ARHGAP10: variants seen among roughly 807,000 people sequenced by gnomAD.
ARHGAP10 encodes Rho GTPase activating protein 10, also known as rho GTPase-activating protein 10.
ARHGAP10 carries 87 observed loss-of-function variants against 108.6 expected under a neutral mutation model. That is an observed-to-expected ratio of 0.80 (90% CI 0.67 to 0.96). The LOEUF (loss-of-function observed/expected upper bound fraction) is 0.96, where lower values mean the gene tolerates loss of function less well. Among genes scored for constraint, ARHGAP10 ranks in the 40% least tolerant of loss-of-function variants. ARHGAP10 has a pLI of 0.00. For synonymous variants in ARHGAP10, 347 were observed against 341.1 expected (o/e 1.02, Z -0.19); for missense variants, 939 against 954.5 (o/e 0.98, Z 0.21).
chr4:147,735,138 T>C (rs1728367046), intron 1 of ARHGAP10, among the ~76,000 whole-genome samples: 1 of 152,226 alleles, frequency 6.6e-6, no homozygotes, highest in South Asian at 2.1e-4. Flanking sequence ...TCTGCAAATA[T>C]TTAGCACCTA....
At chr4:147,922,390 T>TAA (rs548007269) in intron 13 of ARHGAP10, among the ~76,000 whole-genome samples, 1 of 142,772 alleles carries the variant, frequency 7.0e-6, no homozygotes. Flanking sequence ...TTAGTTCCTT[T>TAA]AAAAAAAAAA....
intron 15 of ARHGAP10, among the ~76,000 whole-genome samples, chr4:147,954,704 C>G (rs1283550612): frequency 6.6e-6 from 1 of 151,932 alleles, no homozygotes; most frequent in Non-Finnish European, 1.5e-5. Flanking sequence ...GCAAGGTGGA[C>G]TGAACTGTAG....
intron 3 of ARHGAP10, among the ~76,000 whole-genome samples, chr4:147,845,753 C>T (rs188634765): frequency 8.3e-4 from 126 of 152,280 alleles, no homozygotes; most frequent in Middle Eastern, 3.4e-3. Context: ...GACACAGGTG[C>T]TCATGTAAGT....
At chr4:147,896,668 T>G (rs984257044) in intron 10 of ARHGAP10, among the ~76,000 whole-genome samples, 1 of 152,094 alleles carries the variant, frequency 6.6e-6, no homozygotes, top group Non-Finnish European at 1.5e-5. Context: ...TTTTTCAACT[T>G]TGGATTTAAT....
chr4:147,735,368 G>A (rs1011485166), intron 1 of ARHGAP10, among the ~76,000 whole-genome samples: 2 of 152,176 alleles, frequency 1.3e-5, no homozygotes, highest in Non-Finnish European at 1.5e-5. Context: ...CCAGGGACAA[G>A]GGTTTGTATG....
intron 1 of ARHGAP10, among the ~76,000 whole-genome samples, chr4:147,812,575 C>A (rs11935620): frequency 0.12 from 18,879 of 152,172 alleles, 1,596 homozygotes; most frequent in African/African-American, 0.24. Flanking sequence ...AGGAGCTGCC[C>A]ATAAAGCCTT....
intron 1 of ARHGAP10, among the ~76,000 whole-genome samples, chr4:147,795,851 C>G (rs1039674408): frequency 1.3e-5 from 2 of 151,770 alleles, no homozygotes; most frequent in African/African-American, 4.8e-5. Context: ...TGTACCACCA[C>G]CTCCAGCTAA....
chr4:147,832,349 TTTTTTTTA>T (rs1414161000), intron 3 of ARHGAP10, among the ~76,000 whole-genome samples: 1 of 151,680 alleles, frequency 6.6e-6, no homozygotes, highest in Non-Finnish European at 1.5e-5. Flanking sequence ...TAATTTTTTT[TTTTTTTTA>T]AAAAGAGGAG....
intron 19 of ARHGAP10, among the ~76,000 whole-genome samples, chr4:148,023,806 G>A (rs531308131): frequency 1.3e-5 from 2 of 152,310 alleles, no homozygotes; most frequent in East Asian, 1.9e-4. Flanking sequence ...GTTCACCATC[G>A]CTCTGGGGTT....
At chr4:147,825,447 A>C (rs953215960) in intron 3 of ARHGAP10, among the ~76,000 whole-genome samples, 5 of 119,042 alleles carry the variant, frequency 4.2e-5, no homozygotes, top group African/African-American at 1.7e-4. Flanking sequence ...ACTCCATCTC[A>C]AAAAAAAAAA....
At chr4:148,061,278 T>A (rs1307559032) in intron 20 of ARHGAP10, among the ~76,000 whole-genome samples, 1 of 152,112 alleles carries the variant, frequency 6.6e-6, no homozygotes, top group East Asian at 1.9e-4. Flanking sequence ...GAAGAGCTGA[T>A]GGGGGGTGTG....
At chr4:147,818,777 A>T (rs1205562690) in intron 1 of ARHGAP10, among the ~76,000 whole-genome samples, 2 of 152,170 alleles carry the variant, frequency 1.3e-5, no homozygotes, top group Non-Finnish European at 2.9e-5. Flanking sequence ...AAAGAAGAAG[A>T]CATCTATAAA....
chr4:147,823,063 A>G, intron 3 of ARHGAP10, 106 bp downstream of exon 3: 2 of 1,143,126 alleles, frequency 1.7e-6, no homozygotes, highest in South Asian at 1.4e-5. Flanking sequence ...ATCCCTGGGT[A>G]CAGTAGTGCA....
intron 4 of ARHGAP10, among the ~76,000 whole-genome samples, chr4:147,855,288 A>T (rs1734038013): frequency 2.6e-5 from 4 of 152,240 alleles, no homozygotes; most frequent in Admixed American, 2.6e-4. Context: ...TTCAGTGTGT[A>T]CTTCACAGCA....
At chr4:147,850,576 A>G (rs1733837293) in intron 4 of ARHGAP10, among the ~76,000 whole-genome samples, 1 of 152,174 alleles carries the variant, frequency 6.6e-6, no homozygotes, top group South Asian at 2.1e-4. Flanking sequence ...AGTCAGCAAG[A>G]CCACGAACCC....
chr4:147,958,877 A>C (rs1184201965), intron 16 of ARHGAP10, among the ~76,000 whole-genome samples: 2 of 152,372 alleles, frequency 1.3e-5, no homozygotes, highest in South Asian at 2.1e-4. Context: ...CATCATAAGC[A>C]GATGGACATT....
intron 22 of ARHGAP10, among the ~76,000 whole-genome samples, chr4:148,067,138 G>A (rs1468648551): frequency 6.6e-6 from 1 of 152,236 alleles, no homozygotes; most frequent in Non-Finnish European, 1.5e-5. Flanking sequence ...TTTAATGTGA[G>A]CTACTTGTCT....
At chr4:147,906,546 TAAAA>T in intron 10 of ARHGAP10, 88 bp from the exon 11 acceptor site, 1 of 864,252 alleles carries the variant, frequency 1.2e-6, no homozygotes, top group Non-Finnish European at 1.8e-6. Context: ...CAGATAAAAG[TAAAA>T]AAAAAATGGT....
intron 4 of ARHGAP10, among the ~76,000 whole-genome samples, chr4:147,850,008 G>C (rs1370051319): frequency 6.6e-6 from 1 of 152,168 alleles, no homozygotes; most frequent in Non-Finnish European, 1.5e-5. Context: ...GATTGTAAAC[G>C]CACCAATCAG....
Sources: allele counts gnomAD v4.1 joint callset (sites outside exome capture counted in the v4.1 genomes callset), GRCh38; gene constraint gnomAD v4.1.1; transcripts MANE v1.5; gene names NCBI Gene and HGNC (gene_info 2026-07-23, HGNC 2026-07-21).